Variants in CD96 observed in about 807,000 individuals in gnomAD.
CD96 encodes T-cell surface protein tactile.
CD96 carries 70 observed loss-of-function variants against 71.3 expected under a neutral mutation model. That is an observed-to-expected ratio of 0.98 (90% CI 0.81 to 1.20). The LOEUF is 1.20. CD96 is among the 50% of genes most tolerant of loss of function. CD96 has a pLI of 0.00. For synonymous variants in CD96, 248 were observed against 233.0 expected, an observed-to-expected ratio of 1.06 and a Z score of -0.59; for missense variants, 742 against 677.5, an observed-to-expected ratio of 1.10 and a Z score of -1.06.
chr3:111,594,914 A>T (rs1261507453), intron 5 of CD96: 1 of 167,222 alleles, frequency 6.0e-6, no homozygotes, highest in Admixed American at 6.5e-5. Flanking sequence ...AGAGGCCAGG[A>T]GTCTAAGAAA....
At chr3:111,633,278 C>A (rs1939162904) in intron 10 of CD96, among the ~76,000 whole-genome samples, 1 of 152,112 alleles carries the variant, frequency 6.6e-6, no homozygotes, top group Non-Finnish European at 1.5e-5. Context: ...TTAAGTTCTC[C>A]ATCTTCTACG....
chr3:111,645,245 T>C (rs1576430462), intron 12 of CD96, among the ~76,000 whole-genome samples: 2 of 152,272 alleles, frequency 1.3e-5, no homozygotes, highest in South Asian at 4.1e-4. Flanking sequence ...TTGGAGACTA[T>C]TATTCTAAGT....
At chr3:111,662,747 G>A (rs1053653112) in intron 14 of CD96, among the ~76,000 whole-genome samples, 13 of 152,114 alleles carry the variant, frequency 8.5e-5, no homozygotes, top group Middle Eastern at 3.2e-3. Flanking sequence ...ACCACAGCCC[G>A]GGCTTCACTG....
intron 5 of CD96, among the ~76,000 whole-genome samples, chr3:111,589,009 G>T: frequency 6.9e-6 from 1 of 145,072 alleles, no homozygotes; most frequent in African/African-American, 2.6e-5. Flanking sequence ...GGAGTCCAGT[G>T]CCGCGATCTC....
chr3:111,568,301 G>A (rs1314111833), intron 3 of CD96, among the ~76,000 whole-genome samples: 1 of 152,176 alleles, frequency 6.6e-6, no homozygotes, highest in African/African-American at 2.4e-5. Flanking sequence ...AAAATGATGT[G>A]TAGAGCAAAA....
chr3:111,622,293 A>C (rs1938553055), intron 8 of CD96, among the ~76,000 whole-genome samples: 1 of 152,226 alleles, frequency 6.6e-6, no homozygotes, highest in African/African-American at 2.4e-5. Flanking sequence ...CAAGTGGCCT[A>C]TAGTTAGAAT....
intron 7 of CD96, among the ~76,000 whole-genome samples, chr3:111,602,673 G>A (rs1177355238): frequency 6.6e-6 from 1 of 152,122 alleles, no homozygotes; most frequent in Non-Finnish European, 1.5e-5. Flanking sequence ...CACACAGGCT[G>A]TCTGTCTGTG....
chr3:111,660,092 T>C (rs965298200), intron 14 of CD96, among the ~76,000 whole-genome samples: 2 of 152,170 alleles, frequency 1.3e-5, no homozygotes, highest in Non-Finnish European at 2.9e-5. Context: ...CTATCTCTCT[T>C]CACTTATGGC....
intron 14 of CD96, among the ~76,000 whole-genome samples, chr3:111,657,914 G>A (rs535091091): frequency 6.6e-6 from 1 of 152,318 alleles, no homozygotes; most frequent in East Asian, 1.9e-4. Context: ...GTGTGTAAAT[G>A]TGCTTGAGCA....
intron 10 of CD96, among the ~76,000 whole-genome samples, chr3:111,626,701 GATAA>G (rs1938784317): frequency 1.3e-5 from 2 of 152,168 alleles, no homozygotes; most frequent in Admixed American, 1.3e-4. Flanking sequence ...CAGGAGGACA[GATAA>G]ATAAATTGTA....
chr3:111,586,200 G>C lies in CD96; in HGVS notation c.807+822G>C, dbSNP rs187544901. ...ATCTGTGTTAATCAACTGTCTTGTG[G>C]CCTTATGACTTTAGCCAAGCTTTTA... On this transcript the variant is annotated intron_variant, in intron 5 of 13. Transcript: ENST00000352690. Among the ~76,000 whole-genome samples, 29 of 152,066 alleles carry C rather than the reference G, an allele frequency of 1.9e-4. No homozygotes were observed. The East Asian group carries it at 5.6e-3, about 29-fold the overall frequency.
chr3:111,621,996 A>G (rs1259677113), intron 8 of CD96, among the ~76,000 whole-genome samples: 10 of 152,250 alleles, frequency 6.6e-5, no homozygotes, highest in Non-Finnish European at 1.5e-4. Flanking sequence ...GCTAGAAGTT[A>G]CAATTACCGC....
chr3:111,554,479 G>A (rs7648890), intron 2 of CD96, among the ~76,000 whole-genome samples: 1 of 151,896 alleles, frequency 6.6e-6, no homozygotes, highest in African/African-American at 2.4e-5. Flanking sequence ...GCATTTGTTT[G>A]TCTGTTCCTA....
rs751400719 is a variant in CD96 at position 111,545,324 on chromosome 3, G to C, written c.340G>C (p.Gly114Arg). 3 of 1,614,094 alleles carry C rather than the reference G, an allele frequency of 1.9e-6. No homozygotes were observed. Among genetic ancestry groups the C allele is most frequent in the Non-Finnish European group, 2.5e-6 (3 of 1,179,946 alleles). Reference sequence around the variant, plus strand: ...AAGGAATATGTCTTGTTCAGTCAGTGGAAGGTACGAGTGTATGCTTGTTCT... The same window carrying C: ...AAGGAATATGTCTTGTTCAGTCAGTCGAAGGTACGAGTGTATGCTTGTTCT... Reference protein sequence around the residue: ...HLRNMSCSVSGRYECMLVLYP... With the variant: ...HLRNMSCSVSRRYECMLVLYP... The change falls in exon 2 of 14, where the codon GGA (glycine) becomes CGA (arginine). Residue 114 changes from glycine (G) to arginine (R), a missense_variant. Transcript: ENST00000352690.
At chr3:111,647,774 G>A in intron 13 of CD96, 108 bp downstream of exon 13, 1 of 822,228 alleles carries the variant, frequency 1.2e-6, no homozygotes, top group South Asian at 1.4e-5. Flanking sequence ...TTTTAATGGG[G>A]AAATAATGCT....
intron 6 of CD96, among the ~76,000 whole-genome samples, chr3:111,599,548 C>T (rs1231465914): frequency 1.3e-5 from 2 of 151,828 alleles, no homozygotes; most frequent in Non-Finnish European, 2.9e-5. Flanking sequence ...GGTAAAACCC[C>T]GTCTCTACTA....
At chr3:111,573,482 T>G (rs1936081155) in intron 3 of CD96, among the ~76,000 whole-genome samples, 1 of 152,134 alleles carries the variant, frequency 6.6e-6, no homozygotes, top group African/African-American at 2.4e-5. Context: ...GCTGGATAAT[T>G]AAATAGTTGG....
At chr3:111,548,987 T>C (rs1017247675) in intron 2 of CD96, among the ~76,000 whole-genome samples, 7 of 152,174 alleles carry the variant, frequency 4.6e-5, no homozygotes, top group East Asian at 1.9e-4. Flanking sequence ...TAGGAAGAAG[T>C]TGACATTCAT....
At chr3:111,570,523 C>T (rs1337599054) in intron 3 of CD96, 56 of 981,772 alleles carry the variant, frequency 5.7e-5, no homozygotes, top group Middle Eastern at 3.3e-4. Context: ...ACAAATGGGA[C>T]GCATGTGTGT....
Sources: allele counts gnomAD v4.1 joint callset (sites outside exome capture counted in the v4.1 genomes callset), GRCh38; gene constraint gnomAD v4.1.1; transcripts MANE v1.5; gene names NCBI Gene and HGNC (gene_info 2026-07-23, HGNC 2026-07-21).